Variants in CEACAM5 observed in about 807,000 individuals in gnomAD.
CEACAM5 encodes the protein cell adhesion molecule CEACAM5.
In CEACAM5, 52 loss-of-function variants were observed where a neutral mutation model predicts 63.0. The observed-to-expected ratio is 0.83, with a 90% CI of 0.66 to 1.04. The LOEUF is 1.04. CEACAM5 is among the 50% of genes least tolerant of loss of function. CEACAM5 has a pLI of 0.00. For missense variants in CEACAM5, 790 were observed against 864.8 expected, an observed-to-expected ratio of 0.91 and a Z score of 1.08; for synonymous variants, 357 against 351.3, an observed-to-expected ratio of 1.02 and a Z score of -0.18.
intron 2 of CEACAM5, among the ~76,000 whole-genome samples, chr19:41,713,043 A>G (rs142888583): frequency 4.5e-4 from 69 of 152,364 alleles, no homozygotes; most frequent in African/African-American, 1.6e-3. Flanking sequence ...ACGGTGGCTC[A>G]TGCCTGTAAT....
rs782417451 is a variant in CEACAM5 at position 41,709,895 on chromosome 19, G to T, written c.280G>T (p.Ala94Ser). 6.2e-7 allele frequency: 1 copy of T among 1,614,060 alleles called. No homozygotes were observed. The highest frequency in any genetic ancestry group is 1.7e-5 in the Admixed American group (1 of 60,020). Residue 94 changes from alanine (A) to serine (S), a missense_variant, in exon 2 of 10, where the codon GCA (alanine) becomes TCA (serine). Transcript: ENST00000221992. ...AACTCAACAAGCTACCCCAGGGCCC[G>T]CATACAGTGGTCGAGAGATAATATA... ...IGTQQATPGP[A>S]YSGREIIYPN...
chr19:41,714,042 C>T (rs1420312931), intron 2 of CEACAM5, among the ~76,000 whole-genome samples: 1 of 151,982 alleles, frequency 6.6e-6, no homozygotes, highest in Non-Finnish European at 1.5e-5. Flanking sequence ...TGGTGAAACC[C>T]CATCTCTACT....
intron 2 of CEACAM5, among the ~76,000 whole-genome samples, chr19:41,711,671 C>T (rs782715726): frequency 5.3e-5 from 8 of 152,142 alleles, no homozygotes; most frequent in South Asian, 2.1e-4. Context: ...CTGGGGTCTC[C>T]GAGGTCACTA....
At chr19:41,728,887 G>C (rs576153350) in intron 9 of CEACAM5, among the ~76,000 whole-genome samples, 8 of 151,986 alleles carry the variant, frequency 5.3e-5, no homozygotes, top group African/African-American at 1.9e-4. Context: ...CAGGAAATTA[G>C]GAATCTAGTT....
Position 41,715,924 on chromosome 19 carries a change from A to G in CEACAM5, c.958+20A>G. 1 of 1,608,110 alleles carries G rather than the reference A, an allele frequency of 6.2e-7. No homozygotes were observed. Among genetic ancestry groups the G allele is most frequent in the Non-Finnish European group, 8.5e-7 (1 of 1,175,460 alleles). Reference sequence around the variant, plus strand: ...TCTATGGTAAGTGGATCCACGAAGCACTGACATCATGTTTTGAGGTGGAGT... The same window carrying G: ...TCTATGGTAAGTGGATCCACGAAGCGCTGACATCATGTTTTGAGGTGGAGT... On this transcript the variant is annotated intron_variant, in intron 4 of 9. Coordinates refer to ENST00000221992, the MANE Select transcript of CEACAM5 (RefSeq NM_004363.6).
chr19:41,717,707 G>T lies in CEACAM5; in HGVS notation c.1211G>T (p.Ser404Ile), dbSNP rs2072550115. Residue 404 changes from serine to isoleucine, a missense_variant, in exon 5 of 10, where the codon AGC becomes ATC. Coordinates refer to ENST00000221992, the MANE Select transcript of CEACAM5 (RefSeq NM_004363.6). ...CAGAACGAATTAAGTGTTGACCACA[G>T]CGACCCAGTCATCCTGAATGTCCTC... ...GIQNELSVDH[S>I]DPVILNVLYG... 1 of 1,614,048 alleles carries T rather than the reference G, an allele frequency of 6.2e-7. No individual in the cohort carries two copies. Among genetic ancestry groups the T allele is most frequent in the South Asian group, 1.1e-5 (1 of 91,084 alleles).
chr19:41,726,238 A>G (rs2072697864), intron 8 of CEACAM5, among the ~76,000 whole-genome samples: 1 of 152,210 alleles, frequency 6.6e-6, no homozygotes, highest in Non-Finnish European at 1.5e-5. Context: ...CTTCTCACTA[A>G]TTATATGACT....
intron 8 of CEACAM5, among the ~76,000 whole-genome samples, chr19:41,724,432 A>G (rs2072669789): frequency 6.6e-6 from 1 of 152,054 alleles, no homozygotes; most frequent in Non-Finnish European, 1.5e-5. Flanking sequence ...TTTATTTTCC[A>G]GGTTGTTTGG....
chr19:41,714,223 G>T (rs2072482668), intron 2 of CEACAM5, among the ~76,000 whole-genome samples: 1 of 152,066 alleles, frequency 6.6e-6, no homozygotes, highest in Non-Finnish European at 1.5e-5. Flanking sequence ...AACAAACAAA[G>T]ACCAAAGACA....
intron 8 of CEACAM5, among the ~76,000 whole-genome samples, chr19:41,723,793 A>C (rs920831131): frequency 5.3e-5 from 8 of 151,872 alleles, no homozygotes; most frequent in African/African-American, 1.7e-4. Context: ...TAAAAATACA[A>C]AAAAAATTAT....
chr19:41,726,835 G>T (rs1399882906), intron 8 of CEACAM5, among the ~76,000 whole-genome samples: 1 of 152,170 alleles, frequency 6.6e-6, no homozygotes, highest in Admixed American at 6.5e-5. Context: ...AGTAAATACA[G>T]AATGCACTAG....
intron 9 of CEACAM5, among the ~76,000 whole-genome samples, chr19:41,728,934 GATA>G (rs1555817569): frequency 6.6e-6 from 1 of 152,038 alleles, no homozygotes; most frequent in East Asian, 1.9e-4. Flanking sequence ...CACCTTATTT[GATA>G]TGTTAAATTA....
At position 41,718,235 on chromosome 19, in the gene CEACAM5, T is replaced by C; in HGVS notation, c.1345T>C (p.Trp449Arg). 1 of 1,614,214 alleles carries C rather than the reference T, an allele frequency of 6.2e-7. No homozygotes were observed. ...CTCTAACCCACCTGCACAGTATTCT[T>C]GGCTGATTGATGGGAACATCCAGCA... ...AASNPPAQYSWLIDGNIQQHT... is the reference protein window; with the variant it reads ...AASNPPAQYSRLIDGNIQQHT... Residue 449 changes from tryptophan (W) to arginine (R), a missense_variant, in exon 6 of 10, where the codon TGG becomes CGG. By Grantham distance (101) the Trp-to-Arg change is moderately radical. Coordinates refer to ENST00000221992, the MANE Select transcript of CEACAM5 (RefSeq NM_004363.6).
intron 2 of CEACAM5, among the ~76,000 whole-genome samples, chr19:41,712,868 A>G (rs1330265375): frequency 6.6e-6 from 1 of 152,258 alleles, no homozygotes; most frequent in Non-Finnish European, 1.5e-5. Flanking sequence ...CTATAGTCAG[A>G]AAATAACATG....
At chr19:41,723,234 AT>A (rs2072653211) in intron 8 of CEACAM5, among the ~76,000 whole-genome samples, 1 of 152,066 alleles carries the variant, frequency 6.6e-6, no homozygotes, top group Non-Finnish European at 1.5e-5. Context: ...TATTTATTTA[AT>A]TTTTTGAGGA....
chr19:41,721,830 G>A (rs1474344458), intron 8 of CEACAM5, among the ~76,000 whole-genome samples: 3 of 152,210 alleles, frequency 2.0e-5, no homozygotes, highest in African/African-American at 7.2e-5. Flanking sequence ...AGGGAGCCTC[G>A]GGACAGACTC....
In CEACAM5 at chr19:41,709,757, G is replaced by A. The variant is rs2072403607; in HGVS notation, c.142G>A (p.Gly48Arg). The change falls in exon 2 of 10, where the codon GGG becomes AGG. Residue 48 changes from glycine to arginine, a missense_variant. Coordinates refer to ENST00000221992, the MANE Select transcript of CEACAM5 (RefSeq NM_004363.6). Reference sequence around the variant, plus strand: ...ATCCACGCCGTTCAATGTCGCAGAGGGGAAGGAGGTGCTTCTACTTGTCCA... The same window carrying A: ...ATCCACGCCGTTCAATGTCGCAGAGAGGAAGGAGGTGCTTCTACTTGTCCA... Reference protein sequence around the residue: ...IESTPFNVAEGKEVLLLVHNL... With the variant: ...IESTPFNVAERKEVLLLVHNL... 1 of 1,614,022 alleles carries A rather than the reference G, an allele frequency of 6.2e-7. No individual in the cohort carries two copies. Among genetic ancestry groups the A allele is most frequent in the African/African-American group, 1.3e-5 (1 of 74,884 alleles).
rs1555815296 is a variant in CEACAM5, at chr19:41,717,654, T to C, written c.1158T>C (p.Asn386=). The part of the protein sequence containing the change: ...RTLTLLSVTR[N]DVGPYECGIQ... Reference sequence around the variant, plus strand: ...TCACTCTACTCAGTGTCACAAGGAATGATGTAGGACCCTATGAGTGTGGAA... The same window carrying C: ...TCACTCTACTCAGTGTCACAAGGAACGATGTAGGACCCTATGAGTGTGGAA... Residue 386 remains asparagine, a synonymous_variant, in exon 5 of 10, where the codon AAT becomes AAC. Transcript: ENST00000221992. 2 of 1,614,198 alleles carry C rather than the reference T, an allele frequency of 1.2e-6. No homozygotes were observed. The highest frequency in any genetic ancestry group is 3.3e-5 in the Admixed American group (2 of 60,024).
chr19:41,712,812 A>G (rs1196861475), intron 2 of CEACAM5, among the ~76,000 whole-genome samples: 6 of 152,252 alleles, frequency 3.9e-5, no homozygotes, highest in African/African-American at 1.4e-4. Context: ...ATTTCCACTT[A>G]TGGAAAAAAT....
Sources: allele counts gnomAD v4.1 joint callset (sites outside exome capture counted in the v4.1 genomes callset), GRCh38; gene constraint gnomAD v4.1.1; transcripts MANE v1.5; gene names NCBI Gene and HGNC (gene_info 2026-07-23, HGNC 2026-07-21).